The following PTBP2 variants were observed in gnomAD, a reference collection of about 807,000 sequenced individuals.
PTBP2 encodes polypyrimidine tract binding protein 2.
PTBP2 carries 13 observed loss-of-function variants against 61.4 expected under a neutral mutation model. The observed-to-expected ratio is 0.21, with a 90% CI of 0.14 to 0.34. PTBP2 has a LOEUF of 0.34. PTBP2 is among the 10% of genes least tolerant of loss of function. The pLI, the probability that PTBP2 is intolerant of heterozygous loss-of-function variation, is 1.00. For synonymous variants in PTBP2, 215 were observed against 218.5 expected (o/e 0.98, Z 0.14); for missense variants, 405 against 642.6 (o/e 0.63, Z 4.00).
At chr1:96,761,604 T>A (rs1477740071) in intron 3 of PTBP2, among the ~76,000 whole-genome samples, 1 of 152,096 alleles carries the variant, frequency 6.6e-6, no homozygotes, top group African/African-American at 2.4e-5. Context: ...TGGAATAATA[T>A]TAAAGAGTTT....
chr1:96,789,911 A>G (rs775722190), intron 8 of PTBP2, among the ~76,000 whole-genome samples: 4 of 152,158 alleles, frequency 2.6e-5, no homozygotes, highest in Non-Finnish European at 5.9e-5. Flanking sequence ...TACACTTACC[A>G]GAATTGACAA....
intron 3 of PTBP2, among the ~76,000 whole-genome samples, chr1:96,763,168 A>T (rs370919881): frequency 4.0e-5 from 6 of 151,498 alleles, no homozygotes; most frequent in Non-Finnish European, 7.4e-5. Context: ...TCACTTCCCA[A>T]ACGGGGTGGC....
At chr1:96,749,378 C>G (rs1260112589) in intron 2 of PTBP2, among the ~76,000 whole-genome samples, 1 of 152,076 alleles carries the variant, frequency 6.6e-6, no homozygotes, top group African/African-American at 2.4e-5. Flanking sequence ...GAAAAGAGGT[C>G]AAGTATATTT....
intron 5 of PTBP2, among the ~76,000 whole-genome samples, chr1:96,774,959 C>T (rs539552307): frequency 6.6e-6 from 1 of 152,190 alleles, no homozygotes; most frequent in Non-Finnish European, 1.5e-5. Flanking sequence ...GCCATTATGT[C>T]ACTGCTCTCA....
chr1:96,782,350 ATTATGTCATTCATT>A (rs918782886), intron 7 of PTBP2, among the ~76,000 whole-genome samples: 47 of 152,046 alleles, frequency 3.1e-4, no homozygotes, highest in African/African-American at 1.1e-3. Flanking sequence ...CAGCAGTAAG[ATTATGTCATTCATT>A]TCCTTCTCAC....
chr1:96,749,186 T>G (rs1239996782), intron 2 of PTBP2, among the ~76,000 whole-genome samples: 2 of 142,580 alleles, frequency 1.4e-5, no homozygotes, highest in African/African-American at 4.9e-5. Context: ...ACACCACAAG[T>G]CAGTATTAGA....
rs1472146904 is a variant in PTBP2 at position 96,762,970 on chromosome 1, C to T, written c.116-6733C>T. The stretch of plus-strand genomic sequence containing the variant: ...GGCGGGGCAGCGGCGCTCCCCACAT[C>T]TCAGACGATGGGCGGCCGGGCAGAG... On this transcript the variant is annotated intron_variant, in intron 3 of 13. Transcript: ENST00000674951. Among the ~76,000 whole-genome samples the T allele has an allele frequency of 2.6e-5, 4 of 150,958 alleles. No homozygotes were observed. In the South Asian group the frequency reaches 6.3e-4, roughly 24 times the overall value.
intron 2 of PTBP2, among the ~76,000 whole-genome samples, chr1:96,741,766 C>T (rs1653066243): frequency 6.6e-6 from 1 of 152,096 alleles, no homozygotes; most frequent in East Asian, 1.9e-4. Context: ...CGTTAATCTA[C>T]CTGGAATTTA....
chr1:96,816,422 T>TAG, downstream of PTBP2: 1 of 152,276 alleles, frequency 6.6e-6, no homozygotes, highest in East Asian at 1.9e-4. Flanking sequence ...GCTTTGTTAA[T>TAG]AGAGGTCTTA....
chr1:96,751,650 G>T, intron 3 of PTBP2, 150 bp downstream of exon 3: 1 of 454,002 alleles, frequency 2.2e-6, no homozygotes. Context: ...GTATATATGA[G>T]CCGAGTGGAA....
intron 7 of PTBP2, among the ~76,000 whole-genome samples, chr1:96,782,021 TATA>T (rs1658725499): frequency 6.6e-6 from 1 of 152,046 alleles, no homozygotes; most frequent in Middle Eastern, 3.2e-3. Flanking sequence ...TTTTTAATAG[TATA>T]ATAAGACATA....
intron 8 of PTBP2, among the ~76,000 whole-genome samples, chr1:96,801,497 T>C (rs1229335223): frequency 6.6e-6 from 1 of 152,154 alleles, no homozygotes; most frequent in Non-Finnish European, 1.5e-5. Context: ...TTTTTACTTT[T>C]TCTCTTAATA....
At chr1:96,798,075 C>G (rs527788522) in intron 8 of PTBP2, among the ~76,000 whole-genome samples, 2 of 133,694 alleles carry the variant, frequency 1.5e-5, no homozygotes, top group South Asian at 4.8e-4. Flanking sequence ...GACTCTGTCT[C>G]TAAAAAAAAA....
intron 1 of PTBP2, 37 bp downstream of exon 1, chr1:96,721,909 G>C (rs1327972878): frequency 6.4e-7 from 1 of 1,568,644 alleles, no homozygotes. Flanking sequence ...GTGTGTGAGA[G>C]AGGAGTTGGA....
chr1:96,730,254 GGTTA>G (rs1476743182), intron 2 of PTBP2, among the ~76,000 whole-genome samples: 21 of 151,820 alleles, frequency 1.4e-4, no homozygotes, highest in African/African-American at 4.6e-4. Context: ...TTTGCTTTGT[GGTTA>G]GTTTGATCTT....
chr1:96,750,940 G>T (rs1391438515), intron 2 of PTBP2, among the ~76,000 whole-genome samples: 1 of 151,934 alleles, frequency 6.6e-6, no homozygotes, highest in Admixed American at 6.6e-5. Context: ...TTTTGCCTTT[G>T]CTTTCGGTGT....
intron 1 of PTBP2, among the ~76,000 whole-genome samples, chr1:96,722,755 C>G (rs1277280268): frequency 1.3e-5 from 2 of 152,172 alleles, no homozygotes; most frequent in Admixed American, 6.5e-5. Context: ...CAGAACCATG[C>G]TGCATCTTTG....
downstream of PTBP2, chr1:96,817,393 CG>C (rs1311151905): frequency 2.0e-5 from 3 of 151,886 alleles, no homozygotes; most frequent in African/African-American, 7.3e-5. Flanking sequence ...AATTTTAAAC[CG>C]TAATATTCAT....
rs766908882 is a variant in PTBP2 at position 96,785,259 on chromosome 1, GATTTTT to G, written c.904+9_904+14del. 1 of 1,549,936 alleles carries G rather than the reference GATTTTT, an allele frequency of 6.5e-7. No homozygotes were observed. ...CCAAGGAGACATCCCTCTTAGGTATGATTTTTATTGTCTTAACCACTTTTCTCCCAT... is the reference window on the plus strand; with the variant it reads ...CCAAGGAGACATCCCTCTTAGGTATGATTGTCTTAACCACTTTTCTCCCAT... On this transcript the variant is annotated splice_donor_region_variant and intron_variant, in intron 8 of 13. Transcript: ENST00000674951.
Sources: gnomAD v4.1 joint callset for allele counts (sites outside exome capture counted in the v4.1 genomes callset) on GRCh38, gnomAD v4.1.1 for gene constraint, MANE v1.5 for transcripts, NCBI Gene and HGNC (gene_info 2026-07-23, HGNC 2026-07-21) for gene names.